The following MICU3 variants were observed in gnomAD, a reference collection of about 807,000 sequenced individuals.
The protein encoded by MICU3 is mitochondrial calcium uptake 3.
Under a neutral mutation model 66.5 loss-of-function variants are expected in MICU3, and 62 were observed. The ratio of observed to expected loss-of-function variants is 0.93; its 90% CI spans 0.76 to 1.15. The LOEUF is 1.15. Ranked by LOEUF, MICU3 falls within the 50% of genes most tolerant of loss-of-function variation. MICU3 has a pLI of 0.00. For synonymous variants in MICU3, 308 were observed against 240.7 expected, an observed-to-expected ratio of 1.28 and a Z score of -2.59; for missense variants, 779 against 664.4, an observed-to-expected ratio of 1.17 and a Z score of -1.90.
intron 6 of MICU3, among the ~76,000 whole-genome samples, chr8:17,085,854 G>A (rs1799415317): frequency 6.6e-6 from 1 of 152,062 alleles, no homozygotes; most frequent in Non-Finnish European, 1.5e-5. Flanking sequence ...TCCAGCTCTG[G>A]CACTGGTCTG....
At chr8:17,090,623 C>A in intron 8 of MICU3, 39 bp downstream of exon 8, 1 of 1,439,848 alleles carries the variant, frequency 6.9e-7, no homozygotes, top group Non-Finnish European at 9.6e-7. Context: ...TGTATATAGC[C>A]CTCACCTGTT....
At chr8:17,028,188 T>A (rs1303632956) in intron 1 of MICU3, among the ~76,000 whole-genome samples, 1 of 152,206 alleles carries the variant, frequency 6.6e-6, no homozygotes, top group African/African-American at 2.4e-5. Context: ...GGAATGTTGA[T>A]GTTACCAGGT....
intron 4 of MICU3, among the ~76,000 whole-genome samples, chr8:17,080,130 T>C (rs1820963232): frequency 6.6e-6 from 1 of 151,884 alleles, no homozygotes; most frequent in African/African-American, 2.4e-5. Context: ...AATTGAAGAG[T>C]TAGTTTTATA....
chr8:17,036,603 C>T (rs1813038264), intron 1 of MICU3, among the ~76,000 whole-genome samples: 2 of 152,118 alleles, frequency 1.3e-5, no homozygotes, highest in South Asian at 4.1e-4. Flanking sequence ...TTCTCCAAGG[C>T]CCCACCAGAG....
At chr8:17,136,090 G>A in the MICU3 span, among the ~76,000 whole-genome samples, 2 of 151,736 alleles carry the variant, frequency 1.3e-5, no homozygotes, top group Non-Finnish European at 2.9e-5. Flanking sequence ...AAAATACCTA[G>A]CACAATCTCC....
At chr8:17,081,926 G>C (rs1563347045) in intron 5 of MICU3, 186 bp downstream of exon 5, 3 of 438,482 alleles carry the variant, frequency 6.8e-6, no homozygotes, top group Non-Finnish European at 1.2e-5. Context: ...AAATGCTACA[G>C]CTTATGGTAT....
At chr8:17,111,388 T>C (rs1802194162) in intron 11 of MICU3, among the ~76,000 whole-genome samples, 1 of 152,128 alleles carries the variant, frequency 6.6e-6, no homozygotes, top group African/African-American at 2.4e-5. Context: ...AGTGGCATGA[T>C]CATACTCACT....
chr8:17,035,454 T>A (rs1467753563), intron 1 of MICU3, among the ~76,000 whole-genome samples: 4 of 152,256 alleles, frequency 2.6e-5, no homozygotes, highest in East Asian at 1.9e-4. Context: ...ATGCTGATAG[T>A]GATGTGGACA....
At chr8:17,132,593 G>A in the MICU3 span, 5 of 152,182 alleles carry the variant, frequency 3.3e-5, no homozygotes, top group African/African-American at 1.2e-4. Context: ...ACCTAGTAGA[G>A]CAATCCACCT....
At chr8:17,086,821 A>G in intron 6 of MICU3, 143 bp from the exon 7 acceptor site, 3 of 607,938 alleles carry the variant, frequency 4.9e-6, no homozygotes, top group East Asian at 3.0e-5. Context: ...AACTGAAATC[A>G]GAAAATAGAT....
At chr8:17,041,266 C>T (rs1482677639) in intron 1 of MICU3, among the ~76,000 whole-genome samples, 1 of 139,238 alleles carries the variant, frequency 7.2e-6, no homozygotes, top group Non-Finnish European at 1.6e-5. Context: ...TGGGTCAAGA[C>T]AGGTTAAAAA....
At chr8:17,075,659 G>A (rs3844074) in intron 3 of MICU3, among the ~76,000 whole-genome samples, 23,850 of 152,082 alleles carry the variant, frequency 0.16, 2,502 homozygotes, top group East Asian at 0.38. Context: ...GATTTAGACC[G>A]GGAGAAACTA....
intron 1 of MICU3, among the ~76,000 whole-genome samples, chr8:17,059,156 A>C (rs1239973690): frequency 6.6e-6 from 1 of 152,208 alleles, no homozygotes; most frequent in African/African-American, 2.4e-5. Context: ...TTCATCCAAT[A>C]TAGTTTGAGT....
intron 1 of MICU3, among the ~76,000 whole-genome samples, chr8:17,029,068 A>G (rs75737737): frequency 1.3e-5 from 2 of 152,228 alleles, no homozygotes; most frequent in East Asian, 1.9e-4. Context: ...TGACCTGTCA[A>G]TGCCTGTTTC....
chr8:17,122,479 G>A lies in MICU3; in HGVS notation c.*2192G>A, dbSNP rs1315225579. ...ATTCATATTAAACTTTTTACAGAAAGCATACATGATAAACAGTTTATGGTA... is the reference window on the plus strand; with the variant it reads ...ATTCATATTAAACTTTTTACAGAAAACATACATGATAAACAGTTTATGGTA... On this transcript the variant is annotated 3_prime_UTR_variant, in exon 15 of 15. Coordinates refer to ENST00000318063, the MANE Select transcript of MICU3 (RefSeq NM_181723.3). 2.0e-5 allele frequency: 3 copies of A among 151,780 alleles called. No individual in the cohort carries two copies. Among genetic ancestry groups the A allele is most frequent in the African/African-American group, 7.2e-5 (3 of 41,392 alleles). 9.4% of individuals were successfully genotyped at this position (151,780 alleles called of 1,614,324 possible). A position where few individuals can be genotyped will look rare whatever the true frequency, so the allele number is the denominator to read the frequency against.
At chr8:17,083,916 C>T (rs1821562106) in intron 5 of MICU3, among the ~76,000 whole-genome samples, 1 of 151,890 alleles carries the variant, frequency 6.6e-6, no homozygotes, top group Non-Finnish European at 1.5e-5. Context: ...CTAGGGTAGC[C>T]AATTGTTGAG....
At chr8:17,135,655 G>A in the MICU3 span, among the ~76,000 whole-genome samples, 1 of 152,054 alleles carries the variant, frequency 6.6e-6, no homozygotes, top group African/African-American at 2.4e-5. Flanking sequence ...CTCCAGAAGA[G>A]TGTAAAATAC....
At chr8:17,044,979 C>G (rs1814812329) in intron 1 of MICU3, among the ~76,000 whole-genome samples, 1 of 151,888 alleles carries the variant, frequency 6.6e-6, no homozygotes, top group Non-Finnish European at 1.5e-5. Flanking sequence ...GTGGCCCTGT[C>G]TAACTGCAAC....
At chr8:17,108,605 C>A (rs574834041) in intron 11 of MICU3, among the ~76,000 whole-genome samples, 8 of 152,226 alleles carry the variant, frequency 5.3e-5, no homozygotes, top group African/African-American at 1.9e-4. Flanking sequence ...ATTGATACTA[C>A]CTGTATAAGA....
Sources: allele counts gnomAD v4.1 joint callset (sites outside exome capture counted in the v4.1 genomes callset), GRCh38; gene constraint gnomAD v4.1.1; transcripts MANE v1.5; gene names NCBI Gene and HGNC (gene_info 2026-07-23, HGNC 2026-07-21).